OSBPL8: variants seen among roughly 807,000 people sequenced by gnomAD.
OSBPL8 encodes the protein oxysterol-binding protein-related protein 8.
A neutral mutation model predicts 125.5 loss-of-function variants in OSBPL8; 59 were observed. The observed-to-expected ratio is 0.47, with a 90% CI of 0.38 to 0.58. The LOEUF (loss-of-function observed/expected upper bound fraction) is 0.58, where lower values mean the gene tolerates loss of function less well. OSBPL8 is among the 20% of genes least tolerant of loss of function. The pLI is 0.00. For synonymous variants in OSBPL8, 330 were observed against 338.9 expected, an observed-to-expected ratio of 0.97 and a Z score of 0.29; for missense variants, 758 against 1,047.8, an observed-to-expected ratio of 0.72 and a Z score of 3.82.
intron 23 of OSBPL8, 41 bp downstream of exon 23, chr12:76,356,585 C>T: frequency 1.6e-6 from 2 of 1,282,344 alleles, no homozygotes; most frequent in Non-Finnish European, 1.1e-6. Flanking sequence ...CTTAACTACT[C>T]CTTGGTCTCA....
At chr12:76,464,976 T>C (rs933411956) in intron 2 of OSBPL8, among the ~76,000 whole-genome samples, 11 of 152,222 alleles carry the variant, frequency 7.2e-5, no homozygotes, top group African/African-American at 2.7e-4. Context: ...GAGAGCTATA[T>C]AGTGCAGCTG....
At chr12:76,485,636 A>C (rs1878046658) in intron 2 of OSBPL8, among the ~76,000 whole-genome samples, 1 of 152,190 alleles carries the variant, frequency 6.6e-6, no homozygotes, top group Admixed American at 6.5e-5. Flanking sequence ...AGTAACAACA[A>C]ATTTTAAGAC....
intron 4 of OSBPL8, among the ~76,000 whole-genome samples, chr12:76,424,681 C>T (rs773488839): frequency 2.0e-5 from 3 of 152,008 alleles, no homozygotes; most frequent in Non-Finnish European, 4.4e-5. Context: ...GTATACAATG[C>T]TAATAGTAGT....
intron 1 of OSBPL8, among the ~76,000 whole-genome samples, chr12:76,501,966 G>A (rs949145875): frequency 3.9e-5 from 6 of 152,300 alleles, no homozygotes; most frequent in African/African-American, 1.2e-4. Flanking sequence ...GCATTGCTTT[G>A]GAAGAAGAAA....
Position 76,440,860 on chromosome 12 carries a change from C to G in OSBPL8, c.217+9991G>C, listed in dbSNP as rs185864495. Among the ~76,000 whole-genome samples, 10 of 152,264 alleles carry G rather than the reference C, an allele frequency of 6.6e-5. No homozygotes were observed. In the East Asian group the frequency reaches 1.9e-3, roughly 29 times the overall value. On this transcript the variant is annotated intron_variant, in intron 4 of 23. Transcript: ENST00000261183. ...TTCAGAAATTAGCAGATGCTGGCTC[C>G]AGAGCTCATCACCTCTAGAGTCCCA...
intron 4 of OSBPL8, among the ~76,000 whole-genome samples, chr12:76,424,198 G>A (rs891340764): frequency 5.3e-5 from 8 of 151,892 alleles, no homozygotes; most frequent in African/African-American, 1.9e-4. Context: ...ATGGGGTTTC[G>A]CCATGTTGGG....
intron 1 of OSBPL8, among the ~76,000 whole-genome samples, chr12:76,525,030 A>G (rs1198008203): frequency 2.6e-5 from 4 of 152,288 alleles, no homozygotes; most frequent in South Asian, 2.1e-4. Context: ...TGCAAACTCC[A>G]GGCTGTGGTA....
At chr12:76,474,768 C>T (rs1242822305) in intron 2 of OSBPL8, among the ~76,000 whole-genome samples, 2 of 152,178 alleles carry the variant, frequency 1.3e-5, no homozygotes, top group South Asian at 2.1e-4. Context: ...CAGGCGTGAG[C>T]CACTGCACCC....
intron 4 of OSBPL8, among the ~76,000 whole-genome samples, chr12:76,443,916 T>C (rs947908473): frequency 6.6e-6 from 1 of 152,144 alleles, no homozygotes. Context: ...GGTAAAATTA[T>C]TTTAAAGTAA....
chr12:76,506,688 G>T (rs1371396817), intron 1 of OSBPL8, among the ~76,000 whole-genome samples: 1 of 152,112 alleles, frequency 6.6e-6, no homozygotes, highest in Non-Finnish European at 1.5e-5. Flanking sequence ...AATGATAAAT[G>T]CCCTAAATTC....
At chr12:76,409,481 C>T (rs973480629) in intron 5 of OSBPL8, among the ~76,000 whole-genome samples, 1 of 152,158 alleles carries the variant, frequency 6.6e-6, no homozygotes, top group African/African-American at 2.4e-5. Flanking sequence ...TTTCTGAAAG[C>T]TCCTGTGTCA....
chr12:76,403,780 T>C (rs1202109399), intron 5 of OSBPL8, among the ~76,000 whole-genome samples: 1 of 152,158 alleles, frequency 6.6e-6, no homozygotes, highest in Non-Finnish European at 1.5e-5. Context: ...ATAATACCAC[T>C]AGATATCATC....
chr12:76,379,763 T>C (rs969340547), intron 15 of OSBPL8, among the ~76,000 whole-genome samples: 1 of 152,248 alleles, frequency 6.6e-6, no homozygotes, highest in African/African-American at 2.4e-5. Flanking sequence ...TTGATGGTCC[T>C]TAAGTTGTGT....
intron 2 of OSBPL8, among the ~76,000 whole-genome samples, chr12:76,481,989 A>C (rs1877551929): frequency 6.6e-6 from 1 of 152,216 alleles, no homozygotes; most frequent in Non-Finnish European, 1.5e-5. Context: ...GTATGTAAAA[A>C]TCAGTTACAG....
intron 16 of OSBPL8, among the ~76,000 whole-genome samples, chr12:76,376,823 C>T (rs772926924): frequency 6.6e-6 from 1 of 151,912 alleles, no homozygotes; most frequent in African/African-American, 2.4e-5. Context: ...ATGTGCAGAA[C>T]GTGAAGCTTT....
intron 2 of OSBPL8, among the ~76,000 whole-genome samples, chr12:76,485,673 G>A (rs1378823250): frequency 6.6e-6 from 1 of 152,202 alleles, no homozygotes. Context: ...TAGGTATGTA[G>A]TCAACATCTT....
At chr12:76,463,830 T>C (rs1024349704) in intron 2 of OSBPL8, among the ~76,000 whole-genome samples, 2 of 152,158 alleles carry the variant, frequency 1.3e-5, no homozygotes, top group Non-Finnish European at 2.9e-5. Flanking sequence ...GGATTACATA[T>C]CAAATTTACA....
intron 21 of OSBPL8, among the ~76,000 whole-genome samples, chr12:76,366,165 TC>T (rs1464606487): frequency 6.6e-6 from 1 of 152,242 alleles, no homozygotes; most frequent in Non-Finnish European, 1.5e-5. Flanking sequence ...TTGTGCTTGT[TC>T]TTTAAAGTTT....
In OSBPL8 at chr12:76,355,717, CTT is replaced by C; in HGVS notation, c.*170_*171del. 4.7e-6 allele frequency: 3 copies of C among 637,310 alleles called. No homozygotes were observed. Among genetic ancestry groups the C allele is most frequent in the Admixed American group, 6.8e-5 (2 of 29,474 alleles). 39.5% of individuals were successfully genotyped at this position (637,310 alleles called of 1,614,324 possible). Reference sequence around the variant, plus strand: ...ACTTTAATAATCAAATAGGATAGCTCTTGTTTCAGTGTGAAGATAAAAGATAC... The same window carrying C: ...ACTTTAATAATCAAATAGGATAGCTCGTTTCAGTGTGAAGATAAAAGATAC... On this transcript the variant is annotated 3_prime_UTR_variant, in exon 24 of 24. Transcript: ENST00000261183.
Sources: gnomAD v4.1 joint callset for allele counts (sites outside exome capture counted in the v4.1 genomes callset) on GRCh38, gnomAD v4.1.1 for gene constraint, MANE v1.5 for transcripts, NCBI Gene and HGNC (gene_info 2026-07-23, HGNC 2026-07-21) for gene names.